The following HOXD10 variants were observed in gnomAD, a reference collection of about 807,000 sequenced individuals.
The protein encoded by HOXD10 is homeobox protein Hox-D10.
In HOXD10, 15 loss-of-function variants were observed where a neutral mutation model predicts 27.0. The observed-to-expected ratio is 0.56, with a 90% CI of 0.37 to 0.85. The LOEUF (loss-of-function observed/expected upper bound fraction) is 0.85, where lower values mean the gene tolerates loss of function less well. Ranked by LOEUF, HOXD10 falls within the 40% of genes least tolerant of loss-of-function variation. The probability of loss-of-function intolerance (pLI) is 0.00; values close to 1 mark genes in which losing one functional copy is unlikely to be tolerated. For synonymous variants in HOXD10, 178 were observed against 160.9 expected (o/e 1.11, Z -0.80); for missense variants, 440 against 430.4 (o/e 1.02, Z -0.20).
intron 1 of HOXD10, 69 bp downstream of exon 1, chr2:176,117,647 G>A (rs1689784634): frequency 6.4e-7 from 1 of 1,570,246 alleles, no homozygotes; most frequent in Non-Finnish European, 8.7e-7. Flanking sequence ...AGGGAGTGCC[G>A]GGGTGCCCAG....
At position 176,119,435 on chromosome 2, in the gene HOXD10, G is replaced by GTATGTATATATATATATATATATA. The variant is rs71409068; in HGVS notation, c.*207_*208insGTATATATATATATATATATATAT. 16 of 177,788 alleles carry GTATGTATATATATATATATATATA rather than the reference G, an allele frequency of 9.0e-5. No individual in the cohort carries two copies. The highest frequency in any genetic ancestry group is 6.0e-4 in the African/African-American group (13 of 21,522). The allele number at this position is 177,788 out of a possible 1,614,324, so 11.0% of individuals were successfully genotyped here. A position where few individuals can be genotyped will look rare whatever the true frequency, so the allele number is the denominator to read the frequency against. On this transcript the variant is annotated 3_prime_UTR_variant, in exon 2 of 2. Transcript: ENST00000249501. ...TGCAAGTGATCTGTAATCCCTATGA[G>GTATGTATATATATATATATATATA]TATATATATATATATATATATATAT...
Position 176,117,342 on chromosome 2 carries a change from C to G in HOXD10, c.509C>G (p.Pro170Arg), listed in dbSNP as rs775316778. The change falls in exon 1 of 2, where the codon CCC (proline) becomes CGC (arginine). Residue 170 changes from proline to arginine, a missense_variant. Transcript: ENST00000249501. ...TGKTQEYNNS[P>R]EGSSTVMLQL... is the part of the protein sequence containing the mutation. ...AAAACCCAAGAGTACAATAATAGCC[C>G]CGAAGGCAGCTCCACTGTCATGCTC... is the stretch of plus-strand genomic sequence containing the variant. 4.3e-6 allele frequency: 7 copies of G among 1,613,814 alleles called. No homozygotes were observed. In the East Asian group the frequency reaches 1.6e-4, roughly 36 times the overall value.
chr2:176,118,025 G>A (rs1022296186), intron 1 of HOXD10, among the ~76,000 whole-genome samples: 3 of 152,236 alleles, frequency 2.0e-5, no homozygotes, highest in African/African-American at 7.2e-5. Context: ...TGGGGGTGGT[G>A]AGGGGAAAGA....
In HOXD10 at chr2:176,119,833, C is replaced by G. The variant is rs533550415; in HGVS notation, c.*602C>G. On this transcript the variant is annotated 3_prime_UTR_variant, in exon 2 of 2. Transcript: ENST00000249501. ...GATATTGGCGATTTATGCCTTGTAGCCTTTCCCTTGTGGTGCATCTGTGGT... is the reference window on the plus strand; with the variant it reads ...GATATTGGCGATTTATGCCTTGTAGGCTTTCCCTTGTGGTGCATCTGTGGT... 2.6e-5 allele frequency: 4 copies of G among 152,764 alleles called. No individual in the cohort carries two copies. Among genetic ancestry groups the G allele is most frequent in the Admixed American group, 1.3e-4 (2 of 15,308 alleles). The allele number at this position is 152,764 out of a possible 1,614,324, so 9.5% of individuals were successfully genotyped here.
rs1689776937 is a variant in HOXD10, at chr2:176,117,390, C to T, written c.557C>T (p.Ala186Val). 5.6e-6 allele frequency: 9 copies of T among 1,613,254 alleles called. No homozygotes were observed. Among genetic ancestry groups the T allele is most frequent in the Non-Finnish European group, 7.6e-6 (9 of 1,180,028 alleles). ...VMLQLNPRGA[A>V]KPQLSAAQLQ... ...CTCCAGCTCAACCCTCGTGGCGCGG[C>T]CAAGCCGCAGCTCTCCGCTGCCCAG... Residue 186 changes from alanine to valine, a missense_variant, in exon 1 of 2, where the codon GCC (alanine) becomes GTC (valine). Coordinates refer to ENST00000249501, the MANE Select transcript of HOXD10 (RefSeq NM_002148.4).
intron 1 of HOXD10, among the ~76,000 whole-genome samples, chr2:176,117,893 G>A (rs1268852633): frequency 6.6e-6 from 1 of 152,230 alleles, no homozygotes; most frequent in East Asian, 1.9e-4. Context: ...CACGACCACA[G>A]AGCCTCTTTT....
At position 176,119,331 on chromosome 2, in the gene HOXD10, C is replaced by G; in HGVS notation, c.*100C>G. ...AGGACTGGGAAAGCGGAAACAAAACCTTCACCGCTCTTTGTTTGTTGTTTT... is the reference window on the plus strand; with the variant it reads ...AGGACTGGGAAAGCGGAAACAAAACGTTCACCGCTCTTTGTTTGTTGTTTT... On this transcript the variant is annotated 3_prime_UTR_variant, in exon 2 of 2. Coordinates refer to ENST00000249501, the MANE Select transcript of HOXD10 (RefSeq NM_002148.4). 1 of 1,175,804 alleles carries G rather than the reference C, an allele frequency of 8.5e-7. No homozygotes were observed. The highest frequency in any genetic ancestry group is 1.2e-6 in the Non-Finnish European group (1 of 806,622). The allele number at this position is 1,175,804 out of a possible 1,614,324, so 72.8% of individuals were successfully genotyped here. A position where few individuals can be genotyped will look rare whatever the true frequency, so the allele number is the denominator to read the frequency against.
intron 1 of HOXD10, among the ~76,000 whole-genome samples, chr2:176,118,281 G>A (rs1427393057): frequency 6.6e-6 from 1 of 152,216 alleles, no homozygotes; most frequent in Non-Finnish European, 1.5e-5. Context: ...CTCCCCCAGT[G>A]CTTAGAGGTG....
Position 176,118,979 on chromosome 2 carries a change from C to G in HOXD10, c.771C>G (p.Thr257=). The part of the protein sequence containing the change: ...SKEEIKSDTP[T]SNWLTAKSGR... ...AGGAAATCAAGTCTGATACACCAAC[C>G]AGCAATTGGCTCACTGCAAAGAGTG... The change falls in exon 2 of 2, where the codon ACC becomes ACG. Residue 257 remains threonine, a synonymous_variant. Transcript: ENST00000249501. The G allele has an allele frequency of 3.7e-6, 6 of 1,613,498 alleles. No homozygotes were observed. Among genetic ancestry groups the G allele is most frequent in the Non-Finnish European group, 5.1e-6 (6 of 1,179,708 alleles).
At chr2:176,117,719 G>A in intron 1 of HOXD10, 141 bp downstream of exon 1, 1 of 944,562 alleles carries the variant, frequency 1.1e-6, no homozygotes, top group Admixed American at 1.9e-5. Context: ...GGTGATCTCA[G>A]CCCTGAGATA....
chr2:176,117,443 C>A lies in HOXD10; in HGVS notation c.610C>A (p.Pro204Thr), dbSNP rs764487159. 6.2e-7 allele frequency: 1 copy of A among 1,613,146 alleles called. No homozygotes were observed. Among genetic ancestry groups the A allele is most frequent in the South Asian group, 1.1e-5 (1 of 91,090 alleles). Residue 204 changes from proline to threonine, a missense_variant, in exon 1 of 2, where the codon CCC becomes ACC. Coordinates refer to ENST00000249501, the MANE Select transcript of HOXD10 (RefSeq NM_002148.4). ...GCAGATGGAAAAGAAGATGAACGAG[C>A]CCGTGAGCGGCCAGGAGCCCACCAA... The part of the protein sequence containing the change: ...QLQMEKKMNE[P>T]VSGQEPTKVS...
At chr2:176,118,029 GGAAA>G (rs1689791247) in intron 1 of HOXD10, among the ~76,000 whole-genome samples, 1 of 152,230 alleles carries the variant, frequency 6.6e-6, no homozygotes, top group Non-Finnish European at 1.5e-5. Flanking sequence ...GGTGGTGAGG[GGAAA>G]GAGATGGCTG....
Position 176,116,784 on chromosome 2 carries a change from A to G in HOXD10, c.-50A>G. ...TTACACGGGGAATGTTTTCCTAGAG[A>G]TGTCAGCCTACAAAGGACACAATCT... On this transcript the variant is annotated 5_prime_UTR_variant, in exon 1 of 2. It removes an upstream start codon present in the reference 5' UTR. Transcript: ENST00000249501. The G allele has an allele frequency of 1.9e-6, 3 of 1,575,944 alleles. No individual in the cohort carries two copies. The highest frequency in any genetic ancestry group is 2.6e-6 in the Non-Finnish European group (3 of 1,145,738).
In HOXD10 at chr2:176,116,801, A is replaced by G; in HGVS notation, c.-33A>G. Reference sequence around the variant, plus strand: ...TCCTAGAGATGTCAGCCTACAAAGGACACAATCTCTCTTCTTCAAATTCTT... The same window carrying G: ...TCCTAGAGATGTCAGCCTACAAAGGGCACAATCTCTCTTCTTCAAATTCTT... On this transcript the variant is annotated 5_prime_UTR_variant, in exon 1 of 2. Coordinates refer to ENST00000249501, the MANE Select transcript of HOXD10 (RefSeq NM_002148.4). The G allele has an allele frequency of 6.2e-7, 1 of 1,607,802 alleles. No individual in the cohort carries two copies. Among genetic ancestry groups the G allele is most frequent in the Non-Finnish European group, 8.5e-7 (1 of 1,174,294 alleles).
intron 1 of HOXD10, 72 bp from the exon 2 acceptor site, chr2:176,118,870 CAAAACCAAAACA>C (rs143151088): frequency 0.23 from 292,622 of 1,268,748 alleles, 33,381 homozygotes; most frequent in African/African-American, 0.37. Flanking sequence ...AAACCAAAAC[CAAAACCAAAACA>C]AAAACAAAAA....
chr2:176,117,659 G>C lies in HOXD10; in HGVS notation c.745+81G>C, dbSNP rs1210243655. 3.3e-6 allele frequency: 5 copies of C among 1,530,826 alleles called. No homozygotes were observed. In the African/African-American group the frequency reaches 5.4e-5, roughly 17 times the overall value. The allele number at this position is 1,530,826 out of a possible 1,614,324, so 94.8% of individuals were successfully genotyped here. ...GAGAGGGAGTGCCGGGGTGCCCAGC[G>C]CCGAGCCGGAGCCCGACTTGGCAGG... is the stretch of plus-strand genomic sequence containing the variant. On this transcript the variant is annotated intron_variant, in intron 1 of 1. Coordinates refer to ENST00000249501, the MANE Select transcript of HOXD10 (RefSeq NM_002148.4).
intron 1 of HOXD10, among the ~76,000 whole-genome samples, chr2:176,118,518 G>C (rs1381063686): frequency 6.6e-6 from 1 of 152,212 alleles, no homozygotes; most frequent in Non-Finnish European, 1.5e-5. Context: ...TTGGGGACCT[G>C]AGGCAGCAGT....
Position 176,116,936 on chromosome 2 carries a change from T to C in HOXD10, c.103T>C (p.Tyr35His). 1 of 1,614,194 alleles carries C rather than the reference T, an allele frequency of 6.2e-7. No homozygotes were observed. The highest frequency in any genetic ancestry group is 8.5e-7 in the Non-Finnish European group (1 of 1,180,024). Residue 35 changes from tyrosine to histidine, a missense_variant, in exon 1 of 2, where the codon TAC (tyrosine) becomes CAC (histidine). Tyr to His is a moderately conservative substitution (Grantham distance 83). Transcript: ENST00000249501. ...TTTTTATTCCAGCAGCGCCAGCATG[T>C]ACATGCCACCACCTAGCGCAGACAT... ...DSFYSSSASM[Y>H]MPPPSADMGT... is the part of the protein sequence containing the mutation.
In HOXD10 at chr2:176,117,594, G is replaced by A. The variant is rs1559117835; in HGVS notation, c.745+16G>A. The A allele has an allele frequency of 6.2e-7, 1 of 1,612,262 alleles. No individual in the cohort carries two copies. The stretch of plus-strand genomic sequence containing the variant: ...GAAAGCAAAGGTCGGTATGAGCAGA[G>A]TTGCCACCCCAGCGGGGCGCGCAGC... On this transcript the variant is annotated intron_variant, in intron 1 of 1. Transcript: ENST00000249501.
Sources: allele counts gnomAD v4.1 joint callset (sites outside exome capture counted in the v4.1 genomes callset), GRCh38; gene constraint gnomAD v4.1.1; transcripts MANE v1.5; gene names NCBI Gene and HGNC (gene_info 2026-07-23, HGNC 2026-07-21).